Variants in SLC2A12 observed in about 807,000 individuals in gnomAD.
SLC2A12 encodes the protein solute carrier family 2, facilitated glucose transporter member 12.
A neutral mutation model predicts 41.8 loss-of-function variants in SLC2A12; 23 were observed. That is an observed-to-expected ratio of 0.55 (90% CI 0.40 to 0.78). The LOEUF is 0.78. Among genes scored for constraint, SLC2A12 ranks in the 30% least tolerant of loss-of-function variants. The pLI is 0.00. For missense variants in SLC2A12, 654 were observed against 745.6 expected (o/e 0.88, Z 1.43); for synonymous variants, 295 against 285.9 (o/e 1.03, Z -0.32).
rs185341508 is a variant in SLC2A12 at position 133,991,080 on chromosome 6, C to T, written c.*75G>A. ...GACACTGAAAAGAGAGCACAGGAGT[C>T]GCAACTATGCATTGGTCCAAAGACA... On this transcript the variant is annotated 3_prime_UTR_variant, in exon 5 of 5. Transcript: ENST00000275230. The T allele has an allele frequency of 9.0e-5, 134 of 1,487,050 alleles. 1 individual carries two copies. The Middle Eastern group carries it at 1.8e-3, about 20-fold the overall frequency. The allele number at this position is 1,487,050 out of a possible 1,614,324, so 92.1% of individuals were successfully genotyped here.
chr6:134,029,771 A>C (rs1777176409), intron 1 of SLC2A12, 50 bp from the exon 2 acceptor site: 2 of 1,530,962 alleles, frequency 1.3e-6, no homozygotes, highest in Admixed American at 4.0e-5. Context: ...TTGAGATTTT[A>C]AACATTTTGT....
intron 1 of SLC2A12, among the ~76,000 whole-genome samples, chr6:134,040,796 T>C (rs1777372292): frequency 6.6e-6 from 1 of 152,208 alleles, no homozygotes; most frequent in Non-Finnish European, 1.5e-5. Flanking sequence ...CTGGTCAAAC[T>C]TGGCTGTGAG....
intron 2 of SLC2A12, among the ~76,000 whole-genome samples, chr6:134,021,798 C>T (rs76366430): frequency 1.3e-5 from 2 of 152,138 alleles, no homozygotes; most frequent in Non-Finnish European, 2.9e-5. Flanking sequence ...ATAAAGACCT[C>T]TAAAAAATGG....
chr6:133,997,454 C>T (rs933784689), intron 4 of SLC2A12, among the ~76,000 whole-genome samples: 17 of 152,116 alleles, frequency 1.1e-4, no homozygotes. Flanking sequence ...TATATATACA[C>T]CATGGAATAC....
chr6:134,030,804 A>G (rs1228267242), intron 1 of SLC2A12, among the ~76,000 whole-genome samples: 1 of 152,210 alleles, frequency 6.6e-6, no homozygotes, highest in African/African-American at 2.4e-5. Flanking sequence ...CACTTCAAGT[A>G]GGGCCTTGTC....
chr6:133,993,780 C>T (rs567330907), intron 4 of SLC2A12, among the ~76,000 whole-genome samples: 45 of 152,182 alleles, frequency 3.0e-4, no homozygotes, highest in African/African-American at 8.2e-4. Context: ...TAAGAGAATT[C>T]GAGGCAGAGA....
rs1220111471 is a variant in SLC2A12 at position 134,043,778 on chromosome 6, G to A, written c.103+8600C>T. Among the ~76,000 whole-genome samples the A allele has an allele frequency of 1.3e-4, 19 of 140,904 alleles. No homozygotes were observed. In the South Asian group the frequency reaches 1.6e-3, roughly 12 times the overall value. The allele number at this position is 140,904 out of a possible 152,430, so 92.4% of individuals were successfully genotyped here. ...CTGCACCCTAGCCTGGCGACAGAGC[G>A]AGACTCTGTCCCAAAAAAAAAAAAA... On this transcript the variant is annotated intron_variant, in intron 1 of 4. Transcript: ENST00000275230.
At chr6:134,040,238 C>T (rs1384723133) in intron 1 of SLC2A12, among the ~76,000 whole-genome samples, 1 of 151,944 alleles carries the variant, frequency 6.6e-6, no homozygotes, top group Non-Finnish European at 1.5e-5. Context: ...GCCACCACAC[C>T]TGGCCAATTT....
intron 1 of SLC2A12, among the ~76,000 whole-genome samples, chr6:134,037,218 G>A (rs1284791302): frequency 2.2e-5 from 3 of 137,876 alleles, no homozygotes; most frequent in Non-Finnish European, 4.5e-5. Context: ...GCAGTGGCGC[G>A]ATTTCGGCTC....
chr6:134,029,810 G>T, intron 1 of SLC2A12, 89 bp from the exon 2 acceptor site: 1 of 1,460,828 alleles, frequency 6.8e-7, no homozygotes, highest in Non-Finnish European at 9.1e-7. Flanking sequence ...CCTTGTAGAA[G>T]TCTTTCATAG....
Position 134,052,362 on chromosome 6 carries a change from T to C in SLC2A12, c.103+16A>G. ...TGCTTCTCTGCGGTCACCCGAGCAC[T>C]GCAGGCTCACTTTACCTCTCGCCCA... On this transcript the variant is annotated intron_variant, in intron 1 of 4. Coordinates refer to ENST00000275230, the MANE Select transcript of SLC2A12 (RefSeq NM_145176.3). The C allele has an allele frequency of 6.2e-7, 1 of 1,606,568 alleles. No individual in the cohort carries two copies. Among genetic ancestry groups the C allele is most frequent in the Non-Finnish European group, 8.5e-7 (1 of 1,177,678 alleles).
intron 4 of SLC2A12, among the ~76,000 whole-genome samples, chr6:133,997,285 G>A (rs774720025): frequency 2.7e-4 from 41 of 151,896 alleles, no homozygotes; most frequent in East Asian, 1.9e-4. Flanking sequence ...ACCATGTGAC[G>A]CAGCAATCTT....
intron 1 of SLC2A12, 73 bp downstream of exon 1, chr6:134,052,305 A>G (rs1773702085): frequency 9.1e-7 from 1 of 1,093,786 alleles, no homozygotes; most frequent in Non-Finnish European, 1.4e-6. Context: ...ACGGGACTCA[A>G]GAGACAGTAC....
intron 2 of SLC2A12, among the ~76,000 whole-genome samples, chr6:134,017,230 A>T (rs9389126): frequency 0.18 from 27,465 of 152,004 alleles, 2,605 homozygotes; most frequent in East Asian, 0.31. Context: ...GGCCTTGCAT[A>T]CTCAATTTAG....
rs377726972 is a variant in SLC2A12, at chr6:134,029,033, A to C, written c.792T>G (p.Ser264Arg). Residue 264 changes from serine to arginine, a missense_variant, in exon 2 of 5, where the codon AGT becomes AGG. By Grantham distance (110) the Ser-to-Arg change is moderately radical. Around this residue, in one of 3 missense-constraint regions of SLC2A12, gnomAD observed 411 missense variants for 412.1 expected, o/e 1.00. Coordinates refer to ENST00000275230, the MANE Select transcript of SLC2A12 (RefSeq NM_145176.3). ...KSSLKDEYQY[S>R]FWDLFRSKDN... ...CTTTTGAACGAAACAGATCCCAAAA[A>C]CTGTACTGATATTCATCTTTCAGGG... is the stretch of plus-strand genomic sequence containing the variant. 6.2e-7 allele frequency: 1 copy of C among 1,614,168 alleles called. No individual in the cohort carries two copies. The highest frequency in any genetic ancestry group is 1.1e-5 in the South Asian group (1 of 91,086).
At chr6:134,004,432 T>C (rs1776786557) in intron 3 of SLC2A12, among the ~76,000 whole-genome samples, 1 of 152,224 alleles carries the variant, frequency 6.6e-6, no homozygotes, top group South Asian at 2.1e-4. Flanking sequence ...GTGGATATAC[T>C]AAATATATAT....
chr6:134,046,774 G>A (rs1321756636), intron 1 of SLC2A12, among the ~76,000 whole-genome samples: 2 of 152,262 alleles, frequency 1.3e-5, no homozygotes, highest in South Asian at 2.1e-4. Context: ...CTATACTCCA[G>A]CCTGGATGAC....
chr6:134,049,942 T>C (rs1242284110), intron 1 of SLC2A12, among the ~76,000 whole-genome samples: 1 of 152,232 alleles, frequency 6.6e-6, no homozygotes, highest in Non-Finnish European at 1.5e-5. Flanking sequence ...CATCTAGGAA[T>C]GTAGAAAAGC....
At chr6:133,998,121 CT>C (rs1776717174) in intron 4 of SLC2A12, among the ~76,000 whole-genome samples, 2 of 152,158 alleles carry the variant, frequency 1.3e-5, no homozygotes, top group Non-Finnish European at 2.9e-5. Flanking sequence ...AAATGTGATT[CT>C]TTCAAAAACA....
Sources: allele counts gnomAD v4.1 joint callset (sites outside exome capture counted in the v4.1 genomes callset), GRCh38; gene constraint gnomAD v4.1.1; regional missense constraint gnomAD v4.1.1; transcripts MANE v1.5; gene names NCBI Gene and HGNC (gene_info 2026-07-23, HGNC 2026-07-21).